EFNA5: variants seen among roughly 807,000 people sequenced by gnomAD.
The protein encoded by EFNA5 is ephrin-A5.
In EFNA5, 5 loss-of-function variants were observed where a neutral mutation model predicts 22.9. The ratio of observed to expected loss-of-function variants is 0.22; its 90% confidence interval spans 0.11 to 0.46. The LOEUF is 0.46. Ranked by LOEUF, EFNA5 falls within the 20% of genes least tolerant of loss-of-function variation. EFNA5 has a pLI of 0.99. For synonymous variants in EFNA5, 113 were observed against 112.2 expected (o/e 1.01, Z -0.04); for missense variants, 237 against 293.3 (o/e 0.81, Z 1.40).
intron 1 of EFNA5, among the ~76,000 whole-genome samples, chr5:107,443,427 A>C (rs1262607130): frequency 3.9e-5 from 6 of 152,244 alleles, no homozygotes; most frequent in Non-Finnish European, 8.8e-5. Context: ...TACCCCCTCA[A>C]GAACAGCATA....
At chr5:107,546,930 G>A (rs564973126) in intron 1 of EFNA5, among the ~76,000 whole-genome samples, 5 of 152,232 alleles carry the variant, frequency 3.3e-5, no homozygotes, top group Admixed American at 1.3e-4. Flanking sequence ...AGCCAAGTTG[G>A]TGATGAATTG....
chr5:107,479,902 C>A (rs1037258444), intron 1 of EFNA5, among the ~76,000 whole-genome samples: 3 of 152,042 alleles, frequency 2.0e-5, no homozygotes, highest in African/African-American at 7.2e-5. Flanking sequence ...AAAAAATGCA[C>A]ACCAGTATAT....
chr5:107,551,642 C>T (rs899075735), intron 1 of EFNA5, among the ~76,000 whole-genome samples: 5 of 152,048 alleles, frequency 3.3e-5, no homozygotes, highest in African/African-American at 9.7e-5. Context: ...AACTCCCTGC[C>T]GATCTCCATA....
At chr5:107,439,297 G>T (rs1443298816) in intron 1 of EFNA5, among the ~76,000 whole-genome samples, 1 of 152,156 alleles carries the variant, frequency 6.6e-6, no homozygotes, top group Non-Finnish European at 1.5e-5. Flanking sequence ...ATCAACTTCT[G>T]CTAGACCTTG....
chr5:107,465,896 G>A (rs1749967495), intron 1 of EFNA5, among the ~76,000 whole-genome samples: 1 of 152,068 alleles, frequency 6.6e-6, no homozygotes, highest in African/African-American at 2.4e-5. Context: ...CACGGCTACT[G>A]GTACCAGACA....
intron 2 of EFNA5, among the ~76,000 whole-genome samples, chr5:107,397,597 T>C (rs143970478): frequency 0.013 from 2,049 of 151,994 alleles, 19 homozygotes; most frequent in Non-Finnish European, 0.02. Context: ...CACAAATCAA[T>C]GATTTCTTTG....
At chr5:107,547,298 C>T (rs1360220508) in intron 1 of EFNA5, among the ~76,000 whole-genome samples, 2 of 152,114 alleles carry the variant, frequency 1.3e-5, no homozygotes, top group Non-Finnish European at 2.9e-5. Context: ...ACGGGAAATT[C>T]ATGCTCCCAT....
At chr5:107,445,218 T>C (rs938201258) in intron 1 of EFNA5, among the ~76,000 whole-genome samples, 1 of 152,084 alleles carries the variant, frequency 6.6e-6, no homozygotes, top group Non-Finnish European at 1.5e-5. Flanking sequence ...ATACAGGGTT[T>C]TGCCATGTTG....
rs1051471603 is a variant in EFNA5 at position 107,381,185 on chromosome 5, G to T, written c.*70C>A. 2 of 1,534,434 alleles carry T rather than the reference G, an allele frequency of 1.3e-6. No individual in the cohort carries two copies. The highest frequency in any genetic ancestry group is 2.7e-5 in the African/African-American group (2 of 73,408). ...AATAACAAGTCCCTTCTTAGGATGA[G>T]CAGTTAGGTGGATCTCTGGTGTTCC... On this transcript the variant is annotated 3_prime_UTR_variant, in exon 5 of 5. Transcript: ENST00000333274.
chr5:107,656,682 T>A (rs1395572536), intron 1 of EFNA5, among the ~76,000 whole-genome samples: 1 of 152,130 alleles, frequency 6.6e-6, no homozygotes, highest in African/African-American at 2.4e-5. Flanking sequence ...AAGTTTTATA[T>A]CAGTTTTTAA....
chr5:107,505,816 C>T (rs1433589198), intron 1 of EFNA5, among the ~76,000 whole-genome samples: 2 of 151,930 alleles, frequency 1.3e-5, no homozygotes, highest in African/African-American at 2.4e-5. Context: ...TTTCCCATCT[C>T]TCTCTCTTTT....
chr5:107,489,882 A>G (rs1490062897), intron 1 of EFNA5, among the ~76,000 whole-genome samples: 3 of 152,192 alleles, frequency 2.0e-5, no homozygotes, highest in Admixed American at 6.5e-5. Context: ...ACATCCTGAG[A>G]TAAGAGGGGA....
chr5:107,417,347 AG>A, intron 2 of EFNA5, among the ~76,000 whole-genome samples: 1 of 152,178 alleles, frequency 6.6e-6, no homozygotes, highest in East Asian at 1.9e-4. Context: ...TTTTTTGTGA[AG>A]CTTTAAACTT....
At position 107,525,949 on chromosome 5, in the gene EFNA5, TC is replaced by T. The variant is rs538249917; in HGVS notation, c.126-98441del. Among the ~76,000 whole-genome samples the T allele has an allele frequency of 2.7e-3, 404 of 152,316 alleles. 3 individuals are homozygous for T. Among genetic ancestry groups the T allele is most frequent in the African/African-American group, 9.2e-3 (382 of 41,572 alleles). On this transcript the variant is annotated intron_variant, in intron 1 of 4. Coordinates refer to ENST00000333274, the MANE Select transcript of EFNA5 (RefSeq NM_001962.3). ...TTTCTTAAAACCTAAATCTAAATTT[TC>T]TTTCAAAGTTTTTATTTAGTTAGCA...
At chr5:107,492,114 T>C (rs1027210886) in intron 1 of EFNA5, among the ~76,000 whole-genome samples, 1 of 152,126 alleles carries the variant, frequency 6.6e-6, no homozygotes, top group Non-Finnish European at 1.5e-5. Flanking sequence ...GAATTACAGG[T>C]ATGAGCCACC....
chr5:107,622,997 C>T (rs796587946), intron 1 of EFNA5, among the ~76,000 whole-genome samples: 1 of 125,550 alleles, frequency 8.0e-6, no homozygotes, highest in Non-Finnish European at 1.6e-5. Flanking sequence ...GTCCGCAGTC[C>T]GGCCTGGGTG....
intron 1 of EFNA5, among the ~76,000 whole-genome samples, chr5:107,641,238 GT>G: frequency 6.6e-6 from 1 of 151,772 alleles, no homozygotes; most frequent in Admixed American, 6.6e-5. Flanking sequence ...CGTGCCTGTA[GT>G]CCCAGCTACT....
At chr5:107,480,457 A>G (rs1237943897) in intron 1 of EFNA5, among the ~76,000 whole-genome samples, 1 of 152,220 alleles carries the variant, frequency 6.6e-6, no homozygotes, top group African/African-American at 2.4e-5. Context: ...TATCTGGTAG[A>G]GTGTAAAAAA....
chr5:107,623,997 C>T (rs1176774451), intron 1 of EFNA5, among the ~76,000 whole-genome samples: 1 of 151,826 alleles, frequency 6.6e-6, no homozygotes, highest in East Asian at 1.9e-4. Context: ...CTACTTCATC[C>T]AATTCACATT....
Sources: gnomAD v4.1 joint callset for allele counts (sites outside exome capture counted in the v4.1 genomes callset) on GRCh38, gnomAD v4.1.1 for gene constraint, MANE v1.5 for transcripts, NCBI Gene and HGNC (gene_info 2026-07-23, HGNC 2026-07-21) for gene names.